The following MARCHF1 variants were observed in gnomAD, a reference collection of about 807,000 sequenced individuals.
MARCHF1 encodes membrane associated ring-CH-type finger 1, also known as E3 ubiquitin-protein ligase MARCHF1.
A neutral mutation model predicts 54.2 loss-of-function variants in MARCHF1; 40 were observed. The ratio of observed to expected loss-of-function variants is 0.74; its 90% CI spans 0.57 to 0.96. The LOEUF (loss-of-function observed/expected upper bound fraction) is 0.96. MARCHF1 is among the 40% of genes least tolerant of loss of function. The probability of loss-of-function intolerance (pLI) is 0.00; values close to 1 mark genes in which losing one functional copy is unlikely to be tolerated. For synonymous variants in MARCHF1, 236 were observed against 236.3 expected, an observed-to-expected ratio of 1.00 and a Z score of 0.01; for missense variants, 586 against 656.5, an observed-to-expected ratio of 0.89 and a Z score of 1.17.
chr4:163,650,377 A>T (rs1399794225), intron 5 of MARCHF1, among the ~76,000 whole-genome samples: 1 of 151,990 alleles, frequency 6.6e-6, no homozygotes, highest in Non-Finnish European at 1.5e-5. Flanking sequence ...TTGTGGCAGG[A>T]CTTTGGAGTC....
chr4:163,808,698 A>T (rs2111001749), intron 4 of MARCHF1, among the ~76,000 whole-genome samples: 1 of 152,062 alleles, frequency 6.6e-6, no homozygotes, highest in East Asian at 1.9e-4. Context: ...CCTCCCAAGT[A>T]GCTGGGACTA....
chr4:164,253,411 T>C (rs975231209), intron 1 of MARCHF1, among the ~76,000 whole-genome samples: 3 of 152,170 alleles, frequency 2.0e-5, no homozygotes, highest in Non-Finnish European at 4.4e-5. Context: ...TAAAATAAAG[T>C]AAGCTCAATG....
intron 4 of MARCHF1, among the ~76,000 whole-genome samples, chr4:163,733,199 A>ACATACATACACATG (rs1366717938): frequency 2.5e-5 from 1 of 39,882 alleles, no homozygotes; most frequent in African/African-American, 7.8e-5. Flanking sequence ...ATATATATAT[A>ACATACATACACATG]TATATATATA....
At chr4:164,275,680 G>A (rs1222121533) in intron 1 of MARCHF1, among the ~76,000 whole-genome samples, 1 of 143,564 alleles carries the variant, frequency 7.0e-6, no homozygotes, top group Non-Finnish European at 1.5e-5. Flanking sequence ...ATGTATAAGA[G>A]ATGTAGATTT....
intron 2 of MARCHF1, among the ~76,000 whole-genome samples, chr4:164,050,174 C>A (rs13102233): frequency 1.4e-5 from 2 of 143,436 alleles, no homozygotes; most frequent in African/African-American, 5.1e-5. Flanking sequence ...ATTCGGGAGG[C>A]TGAGGCAGGA....
chr4:164,289,617 C>T (rs1734238502), intron 1 of MARCHF1, among the ~76,000 whole-genome samples: 1 of 148,278 alleles, frequency 6.7e-6, no homozygotes, highest in Non-Finnish European at 1.5e-5. Context: ...CTGTTCAAAC[C>T]ATCGTTCCCC....
At chr4:163,989,527 C>G (rs946946937) in intron 2 of MARCHF1, among the ~76,000 whole-genome samples, 3 of 152,106 alleles carry the variant, frequency 2.0e-5, no homozygotes, top group Non-Finnish European at 4.4e-5. Flanking sequence ...AGCAGCTTCT[C>G]CTTGCTTTTC....
intron 1 of MARCHF1, among the ~76,000 whole-genome samples, chr4:164,337,352 A>C (rs915342624): frequency 1.3e-5 from 2 of 152,218 alleles, no homozygotes; most frequent in African/African-American, 4.8e-5. Flanking sequence ...CACCTGCAGC[A>C]CCTTACCCCA....
At chr4:163,700,289 G>C (rs1324211978) in intron 5 of MARCHF1, among the ~76,000 whole-genome samples, 1 of 152,058 alleles carries the variant, frequency 6.6e-6, no homozygotes, top group African/African-American at 2.4e-5. Flanking sequence ...GGTGGATCAT[G>C]AGCTCAGGAG....
At chr4:164,044,386 G>A (rs969199729) in intron 2 of MARCHF1, among the ~76,000 whole-genome samples, 1 of 151,876 alleles carries the variant, frequency 6.6e-6, no homozygotes, top group Admixed American at 6.6e-5. Flanking sequence ...GTGGTGGCAG[G>A]AGAGAGAGAG....
intron 4 of MARCHF1, among the ~76,000 whole-genome samples, chr4:163,837,948 A>C (rs1049473563): frequency 1.8e-4 from 28 of 152,150 alleles, no homozygotes; most frequent in Non-Finnish European, 3.7e-4. Context: ...CAGTAATAAA[A>C]TGACAACTAA....
chr4:163,639,058 T>A (rs1045148253), intron 5 of MARCHF1, among the ~76,000 whole-genome samples: 5 of 152,146 alleles, frequency 3.3e-5, no homozygotes, highest in African/African-American at 9.7e-5. Context: ...AGTTATTGTT[T>A]AATGGGTATA....
chr4:163,753,624 G>T (rs1244984291), intron 4 of MARCHF1, among the ~76,000 whole-genome samples: 1 of 152,118 alleles, frequency 6.6e-6, no homozygotes. Context: ...TGGACCTAAA[G>T]ACGGGAGCTG....
chr4:163,944,554 T>C (rs1751987943), intron 3 of MARCHF1, among the ~76,000 whole-genome samples: 1 of 152,138 alleles, frequency 6.6e-6, no homozygotes, highest in African/African-American at 2.4e-5. Context: ...CTGTATTGGA[T>C]CTGCACTGCA....
Position 163,612,574 on chromosome 4 carries a change from T to C in MARCHF1, c.707A>G (p.Lys236Arg). The C allele has an allele frequency of 6.5e-7, 1 of 1,535,588 alleles. No homozygotes were observed. Among genetic ancestry groups the C allele is most frequent in the South Asian group, 1.2e-5 (1 of 84,058 alleles). The change falls in exon 7 of 10, where the codon AAA becomes AGA. Residue 236 changes from lysine to arginine, a missense_variant. Lys to Arg is a conservative substitution (Grantham distance 26, BLOSUM62 2). Coordinates refer to ENST00000514618, the MANE Select transcript of MARCHF1 (RefSeq NM_001394959.1). ...GTTGCATTCTTGGTACCTTGTATGT[T>C]TTCCTCTGTGGAGATTTAAAGAGCA... is the stretch of plus-strand genomic sequence containing the variant. Reference protein sequence around the residue: ...ESCSLNLHRGKHTRYQECNPS... With the variant: ...ESCSLNLHRGRHTRYQECNPS...
At chr4:164,340,668 C>T (rs1275113980) in intron 1 of MARCHF1, among the ~76,000 whole-genome samples, 1 of 151,638 alleles carries the variant, frequency 6.6e-6, no homozygotes, top group East Asian at 2.0e-4. Context: ...GGCAATCTGC[C>T]CACCTTGGCC....
At chr4:164,265,232 A>G (rs966581333) in intron 1 of MARCHF1, among the ~76,000 whole-genome samples, 1 of 152,176 alleles carries the variant, frequency 6.6e-6, no homozygotes, top group African/African-American at 2.4e-5. Context: ...AAGTCTGTAT[A>G]TTAAGTAATG....
At position 163,894,913 on chromosome 4, in the gene MARCHF1, ATATATATG is replaced by A. The variant is rs1750765701; in HGVS notation, c.-38-40752_-38-40745del. The stretch of plus-strand genomic sequence containing the variant: ...ATATATATGCATGTGATGCATATAT[ATATATATG>A]CATGTGATGCATATATATATATGCA... On this transcript the variant is annotated intron_variant, in intron 3 of 9. Transcript: ENST00000514618. 5.3e-5 allele frequency among the ~76,000 whole-genome samples: 3 copies of A among 56,384 alleles called. 1 individual carries two copies. The highest frequency in any genetic ancestry group is 1.4e-4 in the African/African-American group (3 of 21,214). The allele number at this position is 56,384 out of a possible 152,430, so 37.0% of individuals were successfully genotyped here.
intron 3 of MARCHF1, among the ~76,000 whole-genome samples, chr4:163,928,904 T>C (rs1293796792): frequency 6.6e-6 from 1 of 151,848 alleles, no homozygotes; most frequent in Non-Finnish European, 1.5e-5. Context: ...TTCTATAGTG[T>C]AGTAATTGTC....
Sources: gnomAD v4.1 joint callset for allele counts (sites outside exome capture counted in the v4.1 genomes callset) on GRCh38, gnomAD v4.1.1 for gene constraint, MANE v1.5 for transcripts, NCBI Gene and HGNC (gene_info 2026-07-23, HGNC 2026-07-21) for gene names.